The following OSBPL8 variants were observed in gnomAD, a reference collection of about 807,000 sequenced individuals.
OSBPL8 encodes the protein oxysterol-binding protein-related protein 8.
OSBPL8 carries 59 observed loss-of-function variants against 125.5 expected under a neutral mutation model. That is an observed-to-expected ratio of 0.47 (90% CI 0.38 to 0.58). The LOEUF (loss-of-function observed/expected upper bound fraction) is 0.58. OSBPL8 is among the 20% of genes least tolerant of loss of function. The pLI, the probability that OSBPL8 is intolerant of heterozygous loss-of-function variation, is 0.00. For missense variants in OSBPL8, 758 were observed against 1,047.8 expected (o/e 0.72, Z 3.82); for synonymous variants, 330 against 338.9 (o/e 0.97, Z 0.29).
intron 4 of OSBPL8, among the ~76,000 whole-genome samples, chr12:76,417,295 T>C (rs1330395621): frequency 6.6e-6 from 1 of 152,238 alleles, no homozygotes; most frequent in African/African-American, 2.4e-5. Context: ...GTTGTTATTC[T>C]TGTGAAGGAA....
chr12:76,393,890 T>C (rs1953678078), intron 9 of OSBPL8, among the ~76,000 whole-genome samples: 2 of 149,656 alleles, frequency 1.3e-5, no homozygotes, highest in South Asian at 2.1e-4. Flanking sequence ...CGTGGTGGCA[T>C]GTGCCTGTAA....
intron 1 of OSBPL8, among the ~76,000 whole-genome samples, chr12:76,502,428 T>G (rs1304153703): frequency 3.9e-5 from 6 of 152,160 alleles, no homozygotes; most frequent in Admixed American, 3.9e-4. Context: ...AAGGTCCCCA[T>G]GCCTCTGAAT....
intron 1 of OSBPL8, among the ~76,000 whole-genome samples, chr12:76,540,805 G>A (rs1371929171): frequency 6.6e-6 from 1 of 151,846 alleles, no homozygotes; most frequent in Admixed American, 6.6e-5. Context: ...ATTTGTAATT[G>A]AGATTAACCT....
At chr12:76,461,862 A>G (rs1255654569) in intron 2 of OSBPL8, among the ~76,000 whole-genome samples, 1 of 152,216 alleles carries the variant, frequency 6.6e-6, no homozygotes, top group East Asian at 1.9e-4. Context: ...CGGAAATCTG[A>G]GATAATAAAT....
intron 4 of OSBPL8, among the ~76,000 whole-genome samples, chr12:76,422,061 AGTG>A (rs1348725930): frequency 1.3e-5 from 2 of 152,124 alleles, no homozygotes; most frequent in Non-Finnish European, 2.9e-5. Flanking sequence ...AAGATAATAA[AGTG>A]GTAAGATTAA....
At chr12:76,508,132 T>C (rs950202567) in intron 1 of OSBPL8, among the ~76,000 whole-genome samples, 3 of 148,310 alleles carry the variant, frequency 2.0e-5, no homozygotes, top group African/African-American at 7.5e-5. Context: ...GATTGCGCCA[T>C]CGCACTCCAG....
intron 1 of OSBPL8, among the ~76,000 whole-genome samples, chr12:76,502,939 T>C (rs1037306143): frequency 1.3e-5 from 2 of 152,254 alleles, no homozygotes; most frequent in Non-Finnish European, 2.9e-5. Context: ...TATTGCTTTA[T>C]CATATAAGAT....
chr12:76,510,886 A>G (rs1296998655), intron 1 of OSBPL8, among the ~76,000 whole-genome samples: 1 of 143,386 alleles, frequency 7.0e-6, no homozygotes, highest in Non-Finnish European at 1.6e-5. Flanking sequence ...CATCTCAAAA[A>G]AAAAAAAAAA....
intron 2 of OSBPL8, among the ~76,000 whole-genome samples, chr12:76,461,024 C>T (rs1451111513): frequency 6.6e-6 from 1 of 152,134 alleles, no homozygotes; most frequent in Non-Finnish European, 1.5e-5. Flanking sequence ...GCCTTGAAGG[C>T]ATTTGCTCTA....
intron 2 of OSBPL8, among the ~76,000 whole-genome samples, chr12:76,474,414 C>T (rs1165135228): frequency 6.6e-6 from 1 of 151,698 alleles, no homozygotes; most frequent in African/African-American, 2.4e-5. Flanking sequence ...TATATATACG[C>T]ACTTGTGTAT....
intron 1 of OSBPL8, among the ~76,000 whole-genome samples, chr12:76,498,590 C>T (rs1439653961): frequency 3.9e-5 from 6 of 152,174 alleles, no homozygotes; most frequent in African/African-American, 1.4e-4. Context: ...TGTTCAAATG[C>T]TTTGAACGCA....
At position 76,352,214 on chromosome 12, in the gene OSBPL8, T is replaced by C. The variant is rs1471425421; in HGVS notation, c.*3675A>G. On this transcript the variant is annotated 3_prime_UTR_variant, in exon 24 of 24. Transcript: ENST00000261183. ...TTTTTCTTTAAGTGAAAAATTTTGATACTGTAAAACAGTTTTACATAATAA... is the reference window on the plus strand; with the variant it reads ...TTTTTCTTTAAGTGAAAAATTTTGACACTGTAAAACAGTTTTACATAATAA... The C allele has an allele frequency of 2.0e-5, 3 of 152,588 alleles. No homozygotes were observed. Among genetic ancestry groups the C allele is most frequent in the South Asian group, 2.1e-4 (1 of 4,836 alleles). The allele number at this position is 152,588 out of a possible 1,614,324, so 9.5% of individuals were successfully genotyped here.
rs751356913 is a variant in OSBPL8 at position 76,375,353 on chromosome 12, T to C, written c.1747A>G (p.Met583Val). Residue 583 changes from methionine to valine, a missense_variant, in exon 17 of 24, where the codon ATG (methionine) becomes GTG (valine). By Grantham distance (21) the Met-to-Val change is conservative (BLOSUM62 1). Coordinates refer to ENST00000261183, the MANE Select transcript of OSBPL8 (RefSeq NM_020841.5). ...ACTGTTCCACCAAGCTCCAGTGTCA[T>C]TGTACCATAAAGAATTCCTAAAGGA... ...AHCKGILYGT[M>V]TLELGGTVNI... 2.9e-5 allele frequency: 46 copies of C among 1,611,448 alleles called. No homozygotes were observed. The highest frequency in any genetic ancestry group is 3.5e-5 in the Non-Finnish European group (41 of 1,178,676).
chr12:76,426,414 A>G (rs1870152006), intron 4 of OSBPL8, among the ~76,000 whole-genome samples: 1 of 152,208 alleles, frequency 6.6e-6, no homozygotes, highest in South Asian at 2.1e-4. Flanking sequence ...TTCTTCAAAC[A>G]CACTCTCAAC....
At chr12:76,485,614 C>T (rs1329545330) in intron 2 of OSBPL8, among the ~76,000 whole-genome samples, 2 of 152,144 alleles carry the variant, frequency 1.3e-5, no homozygotes, top group Non-Finnish European at 2.9e-5. Context: ...TACTTGGATA[C>T]ATACTTTGAA....
chr12:76,444,418 A>G (rs1872537848), intron 4 of OSBPL8, among the ~76,000 whole-genome samples: 1 of 152,212 alleles, frequency 6.6e-6, no homozygotes, highest in Admixed American at 6.5e-5. Context: ...AGCCTTACAA[A>G]AGAGAACAGA....
rs1952089072 is a variant in OSBPL8 at position 76,358,789 on chromosome 12, T to C, written c.2351A>G (p.His784Arg). ...TPMVSVPKMK[H>R]KPTRQQKKVA... Reference sequence around the variant, plus strand: ...TTTCTTCTGTTGCCTGGTTGGCTTATGTTTCATTTTGGGGACGCTAACCTA... The same window carrying C: ...TTTCTTCTGTTGCCTGGTTGGCTTACGTTTCATTTTGGGGACGCTAACCTA... Residue 784 changes from histidine (H) to arginine (R), a missense_variant, in exon 22 of 24, where the codon CAT becomes CGT. His to Arg is a conservative substitution (Grantham distance 29). Coordinates refer to ENST00000261183, the MANE Select transcript of OSBPL8 (RefSeq NM_020841.5). 1.2e-6 allele frequency: 2 copies of C among 1,614,012 alleles called. No individual in the cohort carries two copies. Among genetic ancestry groups the C allele is most frequent in the African/African-American group, 1.3e-5 (1 of 74,942 alleles).
chr12:76,434,168 T>C lies in OSBPL8; in HGVS notation c.217+16683A>G, dbSNP rs377757473. ...GCATACAGACAGACATATCGACCAATGGAACAGAATAGAGAGCCCAGAAAT... is the reference window on the plus strand; with the variant it reads ...GCATACAGACAGACATATCGACCAACGGAACAGAATAGAGAGCCCAGAAAT... On this transcript the variant is annotated intron_variant, in intron 4 of 23. Transcript: ENST00000261183. 5.8e-4 allele frequency among the ~76,000 whole-genome samples: 88 copies of C among 152,104 alleles called. No individual in the cohort carries two copies. The South Asian group carries it at 6.2e-3, about 11-fold the overall frequency.
At chr12:76,362,829 CAA>C (rs767222424) in intron 21 of OSBPL8, among the ~76,000 whole-genome samples, 2 of 151,986 alleles carry the variant, frequency 1.3e-5, no homozygotes, top group Admixed American at 6.6e-5. Flanking sequence ...GCAACTTCAG[CAA>C]AGTCTCAGGA....
Sources: allele counts gnomAD v4.1 joint callset (sites outside exome capture counted in the v4.1 genomes callset), GRCh38; gene constraint gnomAD v4.1.1; transcripts MANE v1.5; gene names NCBI Gene and HGNC (gene_info 2026-07-23, HGNC 2026-07-21).